Variants in GTPBP10 observed in about 807,000 individuals in gnomAD.
GTPBP10 encodes the protein GTP-binding protein 10.
In GTPBP10, 38 loss-of-function variants were observed where a neutral mutation model predicts 44.8. The observed-to-expected ratio is 0.85, with a 90% confidence interval of 0.65 to 1.11. The LOEUF (loss-of-function observed/expected upper bound fraction) is 1.11. Among genes scored for constraint, GTPBP10 ranks in the 50% most tolerant of loss-of-function variants. The pLI is 0.00. For missense variants in GTPBP10, 462 were observed against 453.7 expected (o/e 1.02, Z -0.17); for synonymous variants, 152 against 150.6 (o/e 1.01, Z -0.07).
Position 90,352,939 on chromosome 7 carries a change from A to G in GTPBP10, c.157A>G (p.Met53Val), listed in dbSNP as rs1795821303. 12 of 1,613,810 alleles carry G rather than the reference A, an allele frequency of 7.4e-6. No homozygotes were observed. Among genetic ancestry groups the G allele is most frequent in the Non-Finnish European group, 9.3e-6 (11 of 1,179,886 alleles). Residue 53 changes from methionine to valine, a missense_variant, in exon 2 of 10, where the codon ATG becomes GTG. Coordinates refer to ENST00000222511, the MANE Select transcript of GTPBP10 (RefSeq NM_033107.4). ...TGTCTGGGTTGTAGCCCAGAACAGA[A>G]TGACTTTAAAACAACTTAAAGACAG... The part of the protein sequence containing the change: ...GDVWVVAQNR[M>V]TLKQLKDRYP...
chr7:90,348,531 G>T (rs937463869), intron 1 of GTPBP10, among the ~76,000 whole-genome samples: 3 of 151,782 alleles, frequency 2.0e-5, no homozygotes, highest in African/African-American at 7.3e-5. Flanking sequence ...TTAAATGGAA[G>T]TGAATTGTAA....
rs1243494888 is a variant in GTPBP10 at position 90,389,380 on chromosome 7, A to C, written c.*4226A>C. On this transcript the variant is annotated 3_prime_UTR_variant, in exon 10 of 10. Transcript: ENST00000222511. ...TTTAAACTCTTTTGGGAGCCTAAAA[A>C]ATTTGAATTTTTTTTTTTCCCCCCC... The C allele has an allele frequency of 4.8e-5, 7 of 147,226 alleles. No homozygotes were observed. Among genetic ancestry groups the C allele is most frequent in the Non-Finnish European group, 1.1e-4 (7 of 66,482 alleles). 9.1% of individuals were successfully genotyped at this position (147,226 alleles called of 1,614,324 possible).
chr7:90,370,335 A>AGTGTGT (rs33997739), intron 4 of GTPBP10, among the ~76,000 whole-genome samples: 4,561 of 149,278 alleles, frequency 0.031, 81 homozygotes, highest in African/African-American at 0.035. Flanking sequence ...AAGAAAATTG[A>AGTGTGT]GTGTGTGTGT....
intron 8 of GTPBP10, among the ~76,000 whole-genome samples, chr7:90,382,729 C>A (rs1032508692): frequency 6.6e-6 from 1 of 152,242 alleles, no homozygotes; most frequent in Middle Eastern, 3.4e-3. Flanking sequence ...TGACTCTAGA[C>A]GCAAAATTAC....
intron 4 of GTPBP10, 47 bp downstream of exon 4, chr7:90,355,277 T>C: frequency 8.4e-7 from 1 of 1,194,520 alleles, no homozygotes; most frequent in East Asian, 2.7e-5. Context: ...GAGAGAGAGT[T>C]CTTGAATAGA....
intron 4 of GTPBP10, among the ~76,000 whole-genome samples, chr7:90,362,374 C>T (rs911915042): frequency 1.3e-5 from 2 of 152,030 alleles, no homozygotes; most frequent in Non-Finnish European, 2.9e-5. Flanking sequence ...TTATTTCTGC[C>T]TTCATTTCGT....
In GTPBP10 at chr7:90,372,185, A is replaced by G; in HGVS notation, c.495A>G (p.Leu165=). ...GFPNAGKSSL[L]SCVSHAKPAI... is the part of the protein sequence containing the mutation. ...CAAATGCTGGAAAATCCTCTTTGCT[A>G]AGTTGTGTTTCTCATGCAAAACCTG... Residue 165 remains leucine (L), a synonymous_variant, in exon 5 of 10, where the codon CTA becomes CTG. Coordinates refer to ENST00000222511, the MANE Select transcript of GTPBP10 (RefSeq NM_033107.4). 1.2e-6 allele frequency: 2 copies of G among 1,606,850 alleles called. No individual in the cohort carries two copies. Among genetic ancestry groups the G allele is most frequent in the Non-Finnish European group, 1.7e-6 (2 of 1,176,002 alleles).
chr7:90,378,041 T>C, intron 7 of GTPBP10, 93 bp from the exon 8 acceptor site: 1 of 1,416,672 alleles, frequency 7.1e-7, no homozygotes. Context: ...AGAAATTGTT[T>C]TTAGCTTGAG....
chr7:90,384,857 A>G (rs765986130), intron 9 of GTPBP10, 35 bp from the exon 10 acceptor site: 23 of 1,557,544 alleles, frequency 1.5e-5, no homozygotes, highest in African/African-American at 2.8e-5. Context: ...TTCGAAAACA[A>G]TGGAAATCAG....
intron 4 of GTPBP10, among the ~76,000 whole-genome samples, chr7:90,356,862 A>G (rs945822175): frequency 2.6e-5 from 4 of 152,228 alleles, no homozygotes; most frequent in Non-Finnish European, 4.4e-5. Context: ...GGAAAACTGC[A>G]TATAATGAAA....
At chr7:90,371,088 G>A (rs1796249650) in intron 4 of GTPBP10, 1 of 240,392 alleles carries the variant, frequency 4.2e-6, no homozygotes, top group Admixed American at 6.5e-5. Flanking sequence ...GAAAAAAGTT[G>A]CAAAAGTTTA....
rs1026352938 is a variant in GTPBP10 at position 90,388,237 on chromosome 7, G to T, written c.*3083G>T. 2 of 152,090 alleles carry T rather than the reference G, an allele frequency of 1.3e-5. No homozygotes were observed. The highest frequency in any genetic ancestry group is 1.5e-5 in the Non-Finnish European group (1 of 68,008). 9.4% of individuals were successfully genotyped at this position (152,090 alleles called of 1,614,324 possible). A position where few individuals can be genotyped will look rare whatever the true frequency, so the allele number is the denominator to read the frequency against. On this transcript the variant is annotated 3_prime_UTR_variant, in exon 10 of 10. Coordinates refer to ENST00000222511, the MANE Select transcript of GTPBP10 (RefSeq NM_033107.4). ...TTTTGAAACAAAGACTTATTTTGAA[G>T]TAAGTCTTTTAACATTATCTCAGAT...
chr7:90,386,001 A>G lies in GTPBP10; in HGVS notation c.*847A>G, dbSNP rs1352487733. ...CTTGAACGCGGGAGGTGGAGGATAC[A>G]ATGAACCCGAGGTCGCGCCACTGCA... On this transcript the variant is annotated 3_prime_UTR_variant, in exon 10 of 10. Transcript: ENST00000222511. 6.6e-6 allele frequency: 1 copy of G among 152,088 alleles called. No individual in the cohort carries two copies. Among genetic ancestry groups the G allele is most frequent in the Middle Eastern group, 3.2e-3 (1 of 316 alleles). The allele number at this position is 152,088 out of a possible 1,614,324, so 9.4% of individuals were successfully genotyped here. A position where few individuals can be genotyped will look rare whatever the true frequency, so the allele number is the denominator to read the frequency against.
In GTPBP10 at chr7:90,366,228, T is replaced by G. The variant is rs200959313; in HGVS notation, c.465-5927T>G. Among the ~76,000 whole-genome samples the G allele has an allele frequency of 5.9e-5, 9 of 152,002 alleles. No individual in the cohort carries two copies. The East Asian group carries it at 7.7e-4, about 13-fold the overall frequency. On this transcript the variant is annotated intron_variant, in intron 4 of 9. Coordinates refer to ENST00000222511, the MANE Select transcript of GTPBP10 (RefSeq NM_033107.4). The stretch of plus-strand genomic sequence containing the variant: ...AGGGATATTGGCCTAGAATTCTCTT[T>G]TTGTTGTTGTTGTTGTTGTTGTATC...
intron 4 of GTPBP10, among the ~76,000 whole-genome samples, chr7:90,362,144 C>T (rs1463193329): frequency 6.6e-6 from 1 of 151,842 alleles, no homozygotes; most frequent in Admixed American, 6.6e-5. Context: ...CATTTCTGCT[C>T]TGATCTTAGT....
At chr7:90,357,260 T>C (rs1795921794) in intron 4 of GTPBP10, among the ~76,000 whole-genome samples, 1 of 152,186 alleles carries the variant, frequency 6.6e-6, no homozygotes, top group Non-Finnish European at 1.5e-5. Flanking sequence ...TACTTTGATC[T>C]TCTTGGAAAT....
In GTPBP10 at chr7:90,385,000, A is replaced by G; in HGVS notation, c.1010A>G (p.Asn337Ser). The G allele has an allele frequency of 6.2e-7, 1 of 1,613,970 alleles. No homozygotes were observed. The highest frequency in any genetic ancestry group is 8.5e-7 in the Non-Finnish European group (1 of 1,179,916). The part of the protein sequence containing the change: ...VTGEGIEELK[N>S]CIRKSLDEQA... Reference sequence around the variant, plus strand: ...GGAGAAGGAATCGAAGAATTAAAGAATTGTATAAGAAAGTCACTGGATGAA... The same window carrying G: ...GGAGAAGGAATCGAAGAATTAAAGAGTTGTATAAGAAAGTCACTGGATGAA... The change falls in exon 10 of 10, where the codon AAT becomes AGT. Residue 337 changes from asparagine (N) to serine (S), a missense_variant. Transcript: ENST00000222511.
intron 7 of GTPBP10, 98 bp from the exon 8 acceptor site, chr7:90,378,036 T>C: frequency 2.2e-6 from 3 of 1,392,552 alleles, no homozygotes; most frequent in Non-Finnish European, 2.9e-6. Flanking sequence ...TATAGAGAAA[T>C]TGTTTTTAGC....
At chr7:90,369,360 A>G (rs1479831954) in intron 4 of GTPBP10, among the ~76,000 whole-genome samples, 1 of 152,176 alleles carries the variant, frequency 6.6e-6, no homozygotes, top group African/African-American at 2.4e-5. Flanking sequence ...AGGTCTGCCA[A>G]AGCTGTCTGC....
Sources: gnomAD v4.1 joint callset for allele counts (sites outside exome capture counted in the v4.1 genomes callset) on GRCh38, gnomAD v4.1.1 for gene constraint, MANE v1.5 for transcripts, NCBI Gene and HGNC (gene_info 2026-07-23, HGNC 2026-07-21) for gene names.